NDRG3: variants seen among roughly 807,000 people sequenced by gnomAD.
NDRG3 encodes NDRG family member 3.
A neutral mutation model predicts 57.2 loss-of-function variants in NDRG3; 23 were observed. The observed-to-expected ratio is 0.40, with a 90% CI of 0.29 to 0.57. NDRG3 has a LOEUF of 0.57. NDRG3 is among the 20% of genes least tolerant of loss of function. NDRG3 has a pLI of 0.42. For synonymous variants in NDRG3, 132 were observed against 162.6 expected (o/e 0.81, Z 1.43); for missense variants, 384 against 457.3 (o/e 0.84, Z 1.46).
chr20:36,697,207 G>T (rs919123761), intron 3 of NDRG3, among the ~76,000 whole-genome samples: 1 of 152,104 alleles, frequency 6.6e-6, no homozygotes, highest in Non-Finnish European at 1.5e-5. Context: ...CTGGCAGCTG[G>T]TGTTTTTTGT....
intron 8 of NDRG3, among the ~76,000 whole-genome samples, chr20:36,674,679 C>T (rs1266459431): frequency 6.7e-6 from 1 of 149,566 alleles, no homozygotes; most frequent in East Asian, 2.0e-4. Flanking sequence ...CTCACTGCAA[C>T]CTTGAACACC....
At chr20:36,716,840 G>A (rs887223102) in intron 2 of NDRG3, among the ~76,000 whole-genome samples, 4 of 152,158 alleles carry the variant, frequency 2.6e-5, no homozygotes, top group Non-Finnish European at 5.9e-5. Flanking sequence ...AGAGGCAGTA[G>A]ATGGTGGGAA....
intron 2 of NDRG3, 102 bp from the exon 3 acceptor site, chr20:36,707,109 T>G: frequency 9.5e-7 from 1 of 1,053,852 alleles, no homozygotes; most frequent in East Asian, 2.4e-5. Context: ...TGCAGCCTCT[T>G]GGTTGCCATA....
intron 1 of NDRG3, among the ~76,000 whole-genome samples, chr20:36,730,185 T>C (rs924612634): frequency 1.3e-5 from 2 of 150,228 alleles, no homozygotes; most frequent in Non-Finnish European, 3.0e-5. Flanking sequence ...AGGCAGAGGT[T>C]GCAGTGAGGT....
chr20:36,697,632 C>T (rs1026201708), intron 3 of NDRG3, among the ~76,000 whole-genome samples: 1 of 151,484 alleles, frequency 6.6e-6, no homozygotes, highest in African/African-American at 2.4e-5. Context: ...CGCTTGCACC[C>T]GGGAGGCGGA....
At chr20:36,705,311 G>A (rs1983482420) in intron 3 of NDRG3, among the ~76,000 whole-genome samples, 1 of 137,476 alleles carries the variant, frequency 7.3e-6, no homozygotes, top group Non-Finnish European at 1.5e-5. Context: ...GACTGAGCAA[G>A]ACTCTGTCTC....
intron 2 of NDRG3, among the ~76,000 whole-genome samples, chr20:36,717,768 C>T (rs1339179838): frequency 6.6e-6 from 1 of 152,204 alleles, no homozygotes; most frequent in Non-Finnish European, 1.5e-5. Context: ...AATCTGAAGG[C>T]TTTTCCTCTA....
At chr20:36,722,775 C>T (rs1984672421) in intron 1 of NDRG3, among the ~76,000 whole-genome samples, 1 of 152,192 alleles carries the variant, frequency 6.6e-6, no homozygotes, top group Admixed American at 6.5e-5. Context: ...TATTCATTCA[C>T]ACATATGTAT....
rs536089652 is a variant in NDRG3 at position 36,708,247 on chromosome 20, A to C, written c.58-1240T>G. On this transcript the variant is annotated intron_variant, in intron 2 of 15. Coordinates refer to ENST00000349004, the MANE Select transcript of NDRG3 (RefSeq NM_032013.4). The stretch of plus-strand genomic sequence containing the variant: ...ATTCTGTCTCTACAATGACTTCTAG[A>C]AGGTTCCTAACAGCTTCCCAAAAGC... 1.4e-4 allele frequency among the ~76,000 whole-genome samples: 21 copies of C among 152,260 alleles called. 1 individual carries two copies. The highest frequency in any genetic ancestry group is 5.1e-4 in the African/African-American group (21 of 41,562).
chr20:36,682,520 C>T lies in NDRG3; in HGVS notation c.442G>A (p.Ala148Thr). ...GAGAYILSRF[A>T]LNHPELVEGL... ...AGGCTAATCCTCTACATACTTACTGCAAATCTGCTGAGGATGTAAGCTCCA... is the reference window on the plus strand; with the variant it reads ...AGGCTAATCCTCTACATACTTACTGTAAATCTGCTGAGGATGTAAGCTCCA... Residue 148 changes from alanine to threonine, a missense_variant and splice_region_variant, in exon 7 of 16, where the codon GCA (alanine) becomes ACA (threonine). Ala to Thr is a moderately conservative substitution (Grantham distance 58). Transcript: ENST00000349004. The T allele has an allele frequency of 1.2e-6, 2 of 1,613,564 alleles. No individual in the cohort carries two copies. The highest frequency in any genetic ancestry group is 1.7e-6 in the Non-Finnish European group (2 of 1,179,534).
At chr20:36,697,338 T>G (rs1003161576) in intron 3 of NDRG3, among the ~76,000 whole-genome samples, 1 of 152,150 alleles carries the variant, frequency 6.6e-6, no homozygotes, top group African/African-American at 2.4e-5. Context: ...CTGGTGCTCA[T>G]TTCTCTTCCT....
At chr20:36,734,769 A>C (rs955099031) in intron 1 of NDRG3, among the ~76,000 whole-genome samples, 4 of 151,468 alleles carry the variant, frequency 2.6e-5, no homozygotes, top group African/African-American at 9.7e-5. Flanking sequence ...ACACTCCCCC[A>C]ACAGCTGTGA....
chr20:36,738,178 T>C (rs564748627), intron 1 of NDRG3, among the ~76,000 whole-genome samples: 2 of 152,268 alleles, frequency 1.3e-5, no homozygotes, highest in Admixed American at 1.3e-4. Flanking sequence ...ATACAACCTG[T>C]GGACTAATCA....
In NDRG3 at chr20:36,669,181, C is replaced by T. The variant is rs137990969; in HGVS notation, c.588+2160G>A. Among the ~76,000 whole-genome samples, 221 of 151,960 alleles carry T rather than the reference C, an allele frequency of 1.5e-3. 2 individuals carry two copies. Among genetic ancestry groups the T allele is most frequent in the African/African-American group, 5.0e-3 (209 of 41,458 alleles). ...AAGAAATTCTCTTGCCTCAGCCTCC[C>T]GAGTAGCTGGGATTACAGGCACGTG... On this transcript the variant is annotated intron_variant, in intron 9 of 15. Transcript: ENST00000349004.
intron 1 of NDRG3, among the ~76,000 whole-genome samples, chr20:36,745,077 G>A (rs1230277151): frequency 2.0e-5 from 3 of 151,878 alleles, no homozygotes; most frequent in Non-Finnish European, 4.4e-5. Flanking sequence ...AATCCACGGG[G>A]CTCCTAGTCT....
intron 3 of NDRG3, among the ~76,000 whole-genome samples, chr20:36,697,779 C>T (rs2148148681): frequency 6.6e-6 from 1 of 151,442 alleles, no homozygotes; most frequent in South Asian, 2.1e-4. Context: ...ATGAATGGTG[C>T]CATGTATGAT....
rs556651431 is a variant in NDRG3 at position 36,659,171 on chromosome 20, G to A, written c.858+1166C>T. ...TCACTATGTTTCCCAGACTGCTCTC[G>A]AACTCCTGGCCTCCCACCTCGGCCT... On this transcript the variant is annotated intron_variant, in intron 13 of 15. Coordinates refer to ENST00000349004, the MANE Select transcript of NDRG3 (RefSeq NM_032013.4). Among the ~76,000 whole-genome samples the A allele has an allele frequency of 5.9e-5, 9 of 152,076 alleles. No individual in the cohort carries two copies. The East Asian group carries it at 1.2e-3, about 20-fold the overall frequency.
intron 1 of NDRG3, among the ~76,000 whole-genome samples, chr20:36,727,489 G>A (rs1985010235): frequency 6.6e-6 from 1 of 151,930 alleles, no homozygotes; most frequent in Admixed American, 6.6e-5. Flanking sequence ...CAAAGTGGTG[G>A]GATTACCAGC....
intron 2 of NDRG3, among the ~76,000 whole-genome samples, chr20:36,711,764 CTATT>C (rs1377161884): frequency 6.6e-6 from 1 of 152,148 alleles, no homozygotes; most frequent in Non-Finnish European, 1.5e-5. Flanking sequence ...TGAGTGAAGA[CTATT>C]TAGCACTTGT....
Sources: allele counts gnomAD v4.1 joint callset (sites outside exome capture counted in the v4.1 genomes callset), GRCh38; gene constraint gnomAD v4.1.1; transcripts MANE v1.5; gene names NCBI Gene and HGNC (gene_info 2026-07-23, HGNC 2026-07-21).